PTCH1: variants seen among roughly 807,000 people sequenced by gnomAD.
PTCH1 encodes the protein protein patched homolog 1.
Under a neutral mutation model 144.6 loss-of-function variants are expected in PTCH1, and 14 were observed. The ratio of observed to expected loss-of-function variants is 0.10; its 90% CI spans 0.06 to 0.15. The LOEUF is 0.15. Ranked by LOEUF, PTCH1 falls within the 10% of genes least tolerant of loss-of-function variation. PTCH1 has a pLI of 1.00. For missense variants in PTCH1, 1,623 were observed against 1,948.3 expected, an observed-to-expected ratio of 0.83 and a Z score of 3.14; for synonymous variants, 833 against 793.6, an observed-to-expected ratio of 1.05 and a Z score of -0.83.
rs1843965281 is a variant in PTCH1 at position 95,508,766 on chromosome 9, G to T, written c.-405C>A. Reference sequence around the variant, plus strand: ...CCCTACCCGCCCCCCGCCCCGCGCCGCGACCCCTTCACTGCAGAAAGAGCC... The same window carrying T: ...CCCTACCCGCCCCCCGCCCCGCGCCTCGACCCCTTCACTGCAGAAAGAGCC... On this transcript the variant is annotated 5_prime_UTR_variant, in exon 1 of 24. Coordinates refer to ENST00000331920, the MANE Select transcript of PTCH1 (RefSeq NM_000264.5). 3.1e-6 allele frequency: 3 copies of T among 971,432 alleles called. No individual in the cohort carries two copies. Among genetic ancestry groups the T allele is most frequent in the Non-Finnish European group, 3.7e-6 (3 of 818,986 alleles). The allele number at this position is 971,432 out of a possible 1,614,324, so 60.2% of individuals were successfully genotyped here. A position where few individuals can be genotyped will look rare whatever the true frequency, so the allele number is the denominator to read the frequency against.
Position 95,478,100 on chromosome 9 carries a change from G to T in PTCH1, c.1302C>A (p.Phe434Leu). The T allele has an allele frequency of 3.1e-6, 5 of 1,614,192 alleles. No homozygotes were observed. Among genetic ancestry groups the T allele is most frequent in the Non-Finnish European group, 4.2e-6 (5 of 1,180,046 alleles). ...TTTLDDILKSFSDVSVIRVAS... is the reference protein window; with the variant it reads ...TTTLDDILKSLSDVSVIRVAS... The stretch of plus-strand genomic sequence containing the variant: ...CCACGCGGATGACACTGACGTCAGA[G>T]AAGGATTTCAGGATGTCGTCCAGGG... The change falls in exon 9 of 24, where the codon TTC (phenylalanine) becomes TTA (leucine). Residue 434 changes from phenylalanine to leucine, a missense_variant. Physicochemically the swap from Phe to Leu is conservative, Grantham distance 22. Coordinates refer to ENST00000331920, the MANE Select transcript of PTCH1 (RefSeq NM_000264.5).
intron 2 of PTCH1, among the ~76,000 whole-genome samples, chr9:95,490,198 A>T (rs188424572): frequency 6.6e-6 from 1 of 150,682 alleles, no homozygotes; most frequent in East Asian, 2.0e-4. Context: ...CTATGGTTGG[A>T]CATGGTGGCT....
intron 2 of PTCH1, among the ~76,000 whole-genome samples, chr9:95,497,964 C>T (rs1037815635): frequency 6.7e-6 from 1 of 149,332 alleles, no homozygotes; most frequent in African/African-American, 2.5e-5. Flanking sequence ...TGCCTCGTGG[C>T]ACGGAGTGGT....
At chr9:95,456,224 G>C (rs746446538) in intron 19 of PTCH1, 52 bp downstream of exon 19, 1 of 1,607,538 alleles carries the variant, frequency 6.2e-7, no homozygotes. Context: ...AACAGAGCCA[G>C]AGGAAATGGG....
chr9:95,450,522 T>C (rs1384813272), intron 20 of PTCH1: 1 of 156,282 alleles, frequency 6.4e-6, no homozygotes, highest in African/African-American at 2.4e-5. Flanking sequence ...ATCACAACTT[T>C]CTGCCTAGAA....
intron 2 of PTCH1, 175 bp downstream of exon 2, chr9:95,506,232 T>G: frequency 3.0e-6 from 2 of 671,948 alleles, no homozygotes; most frequent in Non-Finnish European, 4.7e-6. Flanking sequence ...CAGCGCGGCC[T>G]TTGTCGGGCG....
upstream of PTCH1, among the ~76,000 whole-genome samples, chr9:95,511,177 G>A (rs1159948984): frequency 1.3e-5 from 2 of 150,190 alleles, no homozygotes; most frequent in South Asian, 2.1e-4. Flanking sequence ...GCCGGCCACC[G>A]GGGCGGTCCA....
In PTCH1 at chr9:95,446,904, C is replaced by T. The variant is rs201959324; in HGVS notation, c.*1+7G>A. The T allele has an allele frequency of 1.2e-6, 2 of 1,613,734 alleles. No individual in the cohort carries two copies. The highest frequency in any genetic ancestry group is 2.2e-5 in the East Asian group (1 of 44,866). ...GTCCCTTGGCTGCCCTTGTCAGTGGCACTCACCTCAGTTGGAGCTGCTTCC... is the reference window on the plus strand; with the variant it reads ...GTCCCTTGGCTGCCCTTGTCAGTGGTACTCACCTCAGTTGGAGCTGCTTCC... On this transcript the variant is annotated splice_region_variant and intron_variant, in intron 23 of 23. Coordinates refer to ENST00000331920, the MANE Select transcript of PTCH1 (RefSeq NM_000264.5).
chr9:95,481,842 T>G, intron 5 of PTCH1, 107 bp downstream of exon 5: 1 of 1,076,006 alleles, frequency 9.3e-7, no homozygotes, highest in Non-Finnish European at 1.4e-6. Flanking sequence ...TTTCAATGTT[T>G]TTATTTCTTG....
intron 19 of PTCH1, 53 bp from the exon 20 acceptor site, chr9:95,453,673 T>C: frequency 6.2e-7 from 1 of 1,606,752 alleles, no homozygotes; most frequent in South Asian, 1.1e-5. Context: ...ACCTGGTAAA[T>C]GCTCAGCTCT....
upstream of PTCH1, among the ~76,000 whole-genome samples, chr9:95,510,271 A>G (rs1008538925): frequency 6.6e-6 from 1 of 151,842 alleles, no homozygotes; most frequent in East Asian, 1.9e-4. Context: ...ATTTTTTTTT[A>G]CAAAACTCGG....
chr9:95,449,781 G>T lies in PTCH1; in HGVS notation c.3549+60C>A. The T allele has an allele frequency of 6.8e-7, 1 of 1,461,710 alleles. No homozygotes were observed. The highest frequency in any genetic ancestry group is 9.6e-7 in the Non-Finnish European group (1 of 1,045,360). 90.5% of individuals were successfully genotyped at this position (1,461,710 alleles called of 1,614,324 possible). ...CACCTAAGTATCGAAGTGAAGAGCG[G>T]CACAGGAAACACAGCATTCAGCCGG... is the stretch of plus-strand genomic sequence containing the variant. On this transcript the variant is annotated intron_variant, in intron 21 of 23. Coordinates refer to ENST00000331920, the MANE Select transcript of PTCH1 (RefSeq NM_000264.5). This position sits in a 1 kb window ranked among gnomAD's most constrained non-coding sequence, Gnocchi z 5.3.
At chr9:95,508,089 G>T (rs1235159822) in intron 1 of PTCH1, 72 bp downstream of exon 1, 14 of 1,599,514 alleles carry the variant, frequency 8.8e-6, no homozygotes, top group Non-Finnish European at 1.1e-5. Flanking sequence ...GTGTGTGTTT[G>T]TGTGTGGCGG....
intron 1 of PTCH1, chr9:95,507,286 C>T (rs1028776397): frequency 3.0e-6 from 3 of 985,362 alleles, no homozygotes; most frequent in Non-Finnish European, 3.6e-6. Context: ...CTCTCCCTTC[C>T]TTTCTGGTTA....
Position 95,470,359 on chromosome 9 carries a change from T to G in PTCH1, c.1729-428A>C, listed in dbSNP as rs186999115. Among the ~76,000 whole-genome samples the G allele has an allele frequency of 3.0e-4, 45 of 152,182 alleles. No homozygotes were observed. In the East Asian group the frequency reaches 5.0e-3, roughly 17 times the overall value. On this transcript the variant is annotated intron_variant, in intron 12 of 23. Coordinates refer to ENST00000331920, the MANE Select transcript of PTCH1 (RefSeq NM_000264.5). ...ACATTTTTATATAAAGTGGATCGAG[T>G]ATATCAAAATGTCCCCCTTTAAAAC...
At chr9:95,487,412 A>G (rs1842054290) in intron 2 of PTCH1, among the ~76,000 whole-genome samples, 1 of 152,242 alleles carries the variant, frequency 6.6e-6, no homozygotes, top group Non-Finnish European at 1.5e-5. Flanking sequence ...ACAGGAAAAC[A>G]CTGGGAAACA....
At chr9:95,514,708 CTCA>C (rs1844290875) in intron 1 of PTCH1, among the ~76,000 whole-genome samples, 1 of 151,878 alleles carries the variant, frequency 6.6e-6, no homozygotes, top group Admixed American at 6.6e-5. Flanking sequence ...ATTGATTAAC[CTCA>C]TCAGTTTATC....
chr9:95,493,675 T>G (rs1683117884), intron 2 of PTCH1, among the ~76,000 whole-genome samples: 1 of 152,246 alleles, frequency 6.6e-6, no homozygotes, highest in African/African-American at 2.4e-5. Context: ...ATTTTCTTTT[T>G]CTTTTAGTTG....
chr9:95,459,493 C>T (rs113286494), intron 17 of PTCH1, 107 bp downstream of exon 17: 31 of 1,376,238 alleles, frequency 2.3e-5, no homozygotes, highest in African/African-American at 2.0e-4. Context: ...TCTGTTTACA[C>T]TTCTGAACCC....
Sources: allele counts gnomAD v4.1 joint callset (sites outside exome capture counted in the v4.1 genomes callset), GRCh38; gene constraint gnomAD v4.1.1; non-coding constraint Gnocchi (gnomAD v3.1); transcripts MANE v1.5; gene names NCBI Gene and HGNC (gene_info 2026-07-23, HGNC 2026-07-21).